Variants in APBA2 observed in about 807,000 individuals in gnomAD.
APBA2 encodes the protein amyloid beta precursor protein binding family A member 2.
In APBA2, 30 loss-of-function variants were observed where a neutral mutation model predicts 75.0. The observed-to-expected ratio is 0.40, with a 90% confidence interval of 0.30 to 0.54. The LOEUF is 0.54. Ranked by LOEUF, APBA2 falls within the 20% of genes least tolerant of loss-of-function variation. The pLI, the probability that APBA2 is intolerant of heterozygous loss-of-function variation, is 0.49. For missense variants in APBA2, 801 were observed against 1,016.1 expected, an observed-to-expected ratio of 0.79 and a Z score of 2.88; for synonymous variants, 444 against 409.6, an observed-to-expected ratio of 1.08 and a Z score of -1.01.
At chr15:28,913,756 A>G (rs1380673340) in intron 1 of APBA2, among the ~76,000 whole-genome samples, 1 of 152,248 alleles carries the variant, frequency 6.6e-6, no homozygotes, top group Non-Finnish European at 1.5e-5. Context: ...AATTAAAAAA[A>G]ATTCTACTAG....
chr15:29,077,855 A>T (rs1312310876), intron 6 of APBA2, among the ~76,000 whole-genome samples: 1 of 152,234 alleles, frequency 6.6e-6, no homozygotes. Flanking sequence ...ACAGGAAGAG[A>T]TCATCATAAT....
chr15:29,098,427 A>G, intron 8 of APBA2, 63 bp from the exon 9 acceptor site: 1 of 1,147,422 alleles, frequency 8.7e-7, no homozygotes, highest in East Asian at 2.3e-5. Flanking sequence ...TCATAATGCT[A>G]TTTGCATGTC....
At chr15:29,010,781 T>C (rs1474730257) in intron 3 of APBA2, among the ~76,000 whole-genome samples, 1 of 152,220 alleles carries the variant, frequency 6.6e-6, no homozygotes, top group Non-Finnish European at 1.5e-5. Context: ...ATTCTTGTTT[T>C]CTAATATATG....
At chr15:28,915,294 C>G (rs2033637029) in intron 1 of APBA2, among the ~76,000 whole-genome samples, 4 of 150,358 alleles carry the variant, frequency 2.7e-5, no homozygotes, top group South Asian at 2.1e-4. Context: ...CACACATACC[C>G]CATATACACC....
intron 1 of APBA2, among the ~76,000 whole-genome samples, chr15:28,903,129 G>C (rs548777315): frequency 6.6e-6 from 1 of 152,298 alleles, no homozygotes; most frequent in African/African-American, 2.4e-5. Flanking sequence ...CCATGGGTCT[G>C]ATGATGCCGG....
At chr15:29,010,180 T>A (rs1380780357) in intron 3 of APBA2, among the ~76,000 whole-genome samples, 1 of 152,248 alleles carries the variant, frequency 6.6e-6, no homozygotes, top group African/African-American at 2.4e-5. Flanking sequence ...CTTGTGCTTT[T>A]CGAAACCTTC....
intron 3 of APBA2, among the ~76,000 whole-genome samples, chr15:29,003,227 A>C (rs895310532): frequency 6.6e-6 from 1 of 152,148 alleles, no homozygotes; most frequent in African/African-American, 2.4e-5. Flanking sequence ...GAGGCTCCTC[A>C]TAGAGTCTCT....
chr15:29,113,128 A>G (rs1216010843), intron 13 of APBA2, among the ~76,000 whole-genome samples: 1 of 151,964 alleles, frequency 6.6e-6, no homozygotes, highest in Non-Finnish European at 1.5e-5. Context: ...TGTTGTGAAC[A>G]CTGCTGCTGT....
At chr15:28,948,624 G>A (rs1014564648) in intron 2 of APBA2, among the ~76,000 whole-genome samples, 1 of 152,056 alleles carries the variant, frequency 6.6e-6, no homozygotes, top group Non-Finnish European at 1.5e-5. Context: ...ATTTCTTTTC[G>A]CTTTCTTCTG....
chr15:28,948,367 TC>T (rs2035662331), intron 2 of APBA2, among the ~76,000 whole-genome samples: 1 of 146,224 alleles, frequency 6.8e-6, no homozygotes, highest in African/African-American at 2.7e-5. Flanking sequence ...ACTGGTGAGT[TC>T]TGATTATTTT....
intron 3 of APBA2, among the ~76,000 whole-genome samples, chr15:28,997,441 G>T (rs1462973640): frequency 6.6e-6 from 1 of 152,172 alleles, no homozygotes; most frequent in Admixed American, 6.5e-5. Context: ...ACATACTTCA[G>T]CCGTAATGAC....
At chr15:29,026,467 G>T (rs1392409595) in intron 3 of APBA2, among the ~76,000 whole-genome samples, 1 of 152,164 alleles carries the variant, frequency 6.6e-6, no homozygotes, top group East Asian at 1.9e-4. Flanking sequence ...TTATCCATTG[G>T]TGATCCTGGC....
At chr15:29,019,830 A>G (rs533492448) in intron 3 of APBA2, among the ~76,000 whole-genome samples, 1 of 152,346 alleles carries the variant, frequency 6.6e-6, no homozygotes, top group South Asian at 2.1e-4. Flanking sequence ...ATGCTTCTCT[A>G]GGGGAGAGAG....
At chr15:28,960,760 CTT>C (rs760299039) in intron 2 of APBA2, among the ~76,000 whole-genome samples, 29 of 137,052 alleles carry the variant, frequency 2.1e-4, no homozygotes, top group Middle Eastern at 3.5e-3. Context: ...ACCCATCATT[CTT>C]TTTTTTTTTT....
intron 3 of APBA2, 42 bp from the exon 4 acceptor site, chr15:29,053,803 G>T (rs1228246315): frequency 1.5e-6 from 2 of 1,305,828 alleles, no homozygotes; most frequent in Non-Finnish European, 2.1e-6. Flanking sequence ...GCTGGGCTTT[G>T]TGGGGTTTTG....
At position 28,948,769 on chromosome 15, in the gene APBA2, G is replaced by T. The variant is rs189432619; in HGVS notation, c.-95+27020G>T. ...GGGCCTTGCGGCGGCATCTTTGCTA[G>T]TGCTCACTGCAAATAGGGGCAGGAA... On this transcript the variant is annotated intron_variant, in intron 2 of 14. Coordinates refer to ENST00000683413, the MANE Select transcript of APBA2 (RefSeq NM_001353788.2). Among the ~76,000 whole-genome samples, 20 of 152,316 alleles carry T rather than the reference G, an allele frequency of 1.3e-4. 2 individuals carry two copies. The East Asian group carries it at 3.9e-3, about 29-fold the overall frequency.
chr15:28,937,898 C>T (rs903246986), intron 2 of APBA2, among the ~76,000 whole-genome samples: 3 of 152,158 alleles, frequency 2.0e-5, no homozygotes, highest in African/African-American at 7.2e-5. Context: ...ACCTCGTGAT[C>T]CGCCCACCTC....
At chr15:28,922,608 C>T (rs1566801123) in intron 2 of APBA2, among the ~76,000 whole-genome samples, 2 of 152,182 alleles carry the variant, frequency 1.3e-5, no homozygotes, top group East Asian at 3.8e-4. Flanking sequence ...GTCTGAGCCA[C>T]ATTCCACCTG....
chr15:28,898,403 G>A (rs927618623), intron 1 of APBA2, among the ~76,000 whole-genome samples: 3 of 152,234 alleles, frequency 2.0e-5, no homozygotes, highest in East Asian at 1.9e-4. Flanking sequence ...ACGGCAGGCC[G>A]AGAATGAGCA....
Sources: allele counts gnomAD v4.1 joint callset (sites outside exome capture counted in the v4.1 genomes callset), GRCh38; gene constraint gnomAD v4.1.1; transcripts MANE v1.5; gene names NCBI Gene and HGNC (gene_info 2026-07-23, HGNC 2026-07-21).